Variants in MSH6 observed in about 807,000 individuals in gnomAD.
MSH6 encodes mutS homolog 6.
Under a neutral mutation model 119.1 loss-of-function variants are expected in MSH6, and 85 were observed. The ratio of observed to expected loss-of-function variants is 0.71; its 90% CI spans 0.60 to 0.85. The LOEUF (loss-of-function observed/expected upper bound fraction) is 0.85. MSH6 is among the 40% of genes least tolerant of loss of function. The probability of loss-of-function intolerance (pLI) is 0.00; values close to 1 mark genes in which losing one functional copy is unlikely to be tolerated. For synonymous variants in MSH6, 830 were observed against 586.9 expected (o/e 1.41, Z -5.99); for missense variants, 2,163 against 1,655.3 (o/e 1.31, Z -5.32).
At chr2:47,804,312 C>T (rs1298305328) in intron 5 of MSH6, among the ~76,000 whole-genome samples, 1 of 152,058 alleles carries the variant, frequency 6.6e-6, no homozygotes, top group African/African-American at 2.4e-5. Flanking sequence ...TTGTATTTAT[C>T]TTCTCTTTAT....
At chr2:47,795,622 C>G (rs1297559950) in intron 2 of MSH6, among the ~76,000 whole-genome samples, 1 of 151,836 alleles carries the variant, frequency 6.6e-6, no homozygotes, top group Non-Finnish European at 1.5e-5. Context: ...CACACCACCA[C>G]CCTTGGCTAA....
rs1420826616 is a variant in MSH6 at position 47,797,150 on chromosome 2, G to A, written c.627+1087G>A. On this transcript the variant is annotated intron_variant, in intron 3 of 9. Transcript: ENST00000234420. ...AGCTCATCAGCTATCATTAGCATTA[G>A]TGTATTTTATGTGTGGCCTAAGACA... Among the ~76,000 whole-genome samples the A allele has an allele frequency of 2.6e-5, 4 of 152,280 alleles. No homozygotes were observed. The Middle Eastern group carries it at 0.01, about 388-fold the overall frequency.
chr2:47,792,728 GGGATCATA>G (rs2104151052), intron 2 of MSH6, among the ~76,000 whole-genome samples: 1 of 152,012 alleles, frequency 6.6e-6, no homozygotes, highest in East Asian at 1.9e-4. Context: ...GTATAGTGTT[GGGATCATA>G]GCTCACTGGA....
rs745491567 is a variant in MSH6 at position 47,806,214 on chromosome 2, T to C, written c.3657T>C (p.Thr1219=). The C allele has an allele frequency of 1.9e-6, 3 of 1,614,090 alleles. No individual in the cohort carries two copies. The highest frequency in any genetic ancestry group is 1.1e-5 in the South Asian group (1 of 91,086). ...LVLVDELGRG[T]ATFDGTAIAN... ...ATTTTACTTTAACAGGAAGAGGTAC[T>C]GCAACATTTGATGGGACGGCAATAG... The change falls in exon 8 of 10, where the codon ACT becomes ACC. Residue 1219 remains threonine, a synonymous_variant. Coordinates refer to ENST00000234420, the MANE Select transcript of MSH6 (RefSeq NM_000179.3).
chr2:47,795,967 A>T lies in MSH6; in HGVS notation c.531A>T (p.Gln177His), dbSNP rs886056142. The change falls in exon 3 of 10, where the codon CAA (glutamine) becomes CAT (histidine). Residue 177 changes from glutamine to histidine, a missense_variant. Gln to His is a conservative substitution (Grantham distance 24, BLOSUM62 0). Coordinates refer to ENST00000234420, the MANE Select transcript of MSH6 (RefSeq NM_000179.3). ...AGCCTGAAATACTGAGAGCAATGCA[A>T]CGTGCAGATGAAGCCTTAAATAAAG... Reference protein sequence around the residue: ...SAKPEILRAMQRADEALNKDK... With the variant: ...SAKPEILRAMHRADEALNKDK... 2 of 1,614,194 alleles carry T rather than the reference A, an allele frequency of 1.2e-6. No individual in the cohort carries two copies. The highest frequency in any genetic ancestry group is 1.7e-6 in the Non-Finnish European group (2 of 1,180,022).
At chr2:47,804,715 C>T (rs989608401) in intron 5 of MSH6, among the ~76,000 whole-genome samples, 195 bp from the exon 6 acceptor site, 4 of 152,242 alleles carry the variant, frequency 2.6e-5, no homozygotes, top group African/African-American at 4.8e-5. Flanking sequence ...CCAGGTGAGG[C>T]CCTATGCCTC....
chr2:47,805,467 C>T (rs1409775723), intron 6 of MSH6, 151 bp from the exon 7 acceptor site: 6 of 674,118 alleles, frequency 8.9e-6, no homozygotes, highest in East Asian at 2.7e-5. Context: ...CGTGAGCCAC[C>T]GTGCCCGGCC....
At chr2:47,784,610 G>T (rs1027804722) in intron 1 of MSH6, 1 of 152,158 alleles carries the variant, frequency 6.6e-6, no homozygotes, top group Non-Finnish European at 1.5e-5. Context: ...TTACAGGAAT[G>T]CGCCCCCACA....
intron 7 of MSH6, among the ~76,000 whole-genome samples, 167 bp downstream of exon 7, chr2:47,805,874 T>A (rs964364146): frequency 6.2e-5 from 9 of 145,614 alleles, no homozygotes; most frequent in African/African-American, 2.3e-4. Flanking sequence ...AAAGGTGATA[T>A]TGTGAAAGGT....
chr2:47,807,708 C>T, downstream of MSH6: 1 of 234,258 alleles, frequency 4.3e-6, no homozygotes. Context: ...TGCTAGCTCA[C>T]ATTTTTACCA....
downstream of MSH6, chr2:47,809,617 A>C: frequency 6.2e-7 from 1 of 1,612,508 alleles, no homozygotes; most frequent in Non-Finnish European, 8.5e-7. Flanking sequence ...TGTCACATTA[A>C]CACCAGATGC....
downstream of MSH6, chr2:47,809,403 A>G: frequency 2.9e-6 from 2 of 688,456 alleles, no homozygotes; most frequent in East Asian, 2.8e-5. Context: ...AGTAATTGTA[A>G]GAAATCAGCT....
intron 1 of MSH6, among the ~76,000 whole-genome samples, chr2:47,786,865 C>G (rs1031592756): frequency 4.6e-5 from 7 of 151,998 alleles, no homozygotes; most frequent in Admixed American, 6.6e-5. Context: ...TGAACTCTTG[C>G]TCTCAAGCGA....
At chr2:47,801,349 G>T in intron 4 of MSH6, 194 bp downstream of exon 4, 1 of 244,132 alleles carries the variant, frequency 4.1e-6, no homozygotes, top group Non-Finnish European at 7.3e-6. Context: ...GTAGCCCTTT[G>T]GCCTTTCTTC....
Position 47,799,817 on chromosome 2 carries a change from TC to T in MSH6, c.1835del (p.Ser612TyrfsTer10), listed in dbSNP as rs1669380698. 6.2e-7 allele frequency: 1 copy of T among 1,614,238 alleles called. No homozygotes were observed. The highest frequency in any genetic ancestry group is 8.5e-7 in the Non-Finnish European group (1 of 1,180,036). ...SKETKTILKS[S>X]LSCSLQEGLI... ...GGAAACTAAAACAATTCTAAAGAGTTCATTGTCCTGTTCTCTTCAGGAAGGT... is the reference window on the plus strand; with the variant it reads ...GGAAACTAAAACAATTCTAAAGAGTTATTGTCCTGTTCTCTTCAGGAAGGT... On this transcript the variant is annotated frameshift_variant, in exon 4 of 10. Coordinates refer to ENST00000234420, the MANE Select transcript of MSH6 (RefSeq NM_000179.3). LOFTEE classifies it high-confidence loss of function.
Position 47,803,547 on chromosome 2 carries a change from G to T in MSH6, c.3300G>T (p.Thr1100=), listed in dbSNP as rs540252208. The T allele has an allele frequency of 6.2e-7, 1 of 1,614,066 alleles. No homozygotes were observed. Among genetic ancestry groups the T allele is most frequent in the Non-Finnish European group, 8.5e-7 (1 of 1,180,026 alleles). ...ELKGSRHPCI[T]KTFFGDDFIP... is the part of the protein sequence containing the mutation. ...AAGGATCACGCCATCCTTGCATTACGAAGACTTTTTTTGGAGATGATTTTA... is the reference window on the plus strand; with the variant it reads ...AAGGATCACGCCATCCTTGCATTACTAAGACTTTTTTTGGAGATGATTTTA... The change falls in exon 5 of 10, where the codon ACG becomes ACT. Residue 1100 remains threonine, a synonymous_variant. Coordinates refer to ENST00000234420, the MANE Select transcript of MSH6 (RefSeq NM_000179.3).
intron 2 of MSH6, 31 bp downstream of exon 2, chr2:47,791,154 T>TTGTGTG (rs397839804): frequency 3.0e-6 from 4 of 1,317,536 alleles, no homozygotes; most frequent in South Asian, 1.2e-5. Context: ...GTGTGTGTGT[T>TTGTGTG]TGTGTGTGTG....
At chr2:47,805,735 AC>A in intron 7 of MSH6, 28 bp downstream of exon 7, 8 of 1,322,088 alleles carry the variant, frequency 6.1e-6, no homozygotes, top group Non-Finnish European at 7.7e-6. Flanking sequence ...TCATTTGAAG[AC>A]TATCTATCTT....
rs1223476490 is a variant in MSH6, at chr2:47,783,294, A to G, written c.61A>G (p.Asn21Asp). ...FPKSPALSDA[N>D]KASARASREG... Reference sequence around the variant, plus strand: ...CAAGTCTCCGGCGCTGAGTGATGCCAACAAGGCCTCGGCCAGGGCCTCACG... The same window carrying G: ...CAAGTCTCCGGCGCTGAGTGATGCCGACAAGGCCTCGGCCAGGGCCTCACG... The change falls in exon 1 of 10, where the codon AAC becomes GAC. Residue 21 changes from asparagine (N) to aspartate (D), a missense_variant. Coordinates refer to ENST00000234420, the MANE Select transcript of MSH6 (RefSeq NM_000179.3). 1 of 1,612,106 alleles carries G rather than the reference A, an allele frequency of 6.2e-7. No homozygotes were observed. Among genetic ancestry groups the G allele is most frequent in the Admixed American group, 1.7e-5 (1 of 60,002 alleles).
Sources: gnomAD v4.1 joint callset for allele counts (sites outside exome capture counted in the v4.1 genomes callset) on GRCh38, gnomAD v4.1.1 for gene constraint, MANE v1.5 for transcripts, NCBI Gene and HGNC (gene_info 2026-07-23, HGNC 2026-07-21) for gene names.